Variants in SAR1B observed in about 807,000 individuals in gnomAD.
The protein encoded by SAR1B is secretion associated Ras related GTPase 1B.
In SAR1B, 23 loss-of-function variants were observed where a neutral mutation model predicts 26.8. The observed-to-expected ratio is 0.86, with a 90% CI of 0.62 to 1.22. SAR1B has a LOEUF of 1.22. Ranked by LOEUF, SAR1B falls within the 50% of genes most tolerant of loss-of-function variation. The pLI is 0.00. For missense variants in SAR1B, 196 were observed against 232.8 expected (o/e 0.84, Z 1.03); for synonymous variants, 65 against 80.8 (o/e 0.80, Z 1.05).
At chr5:134,616,669 C>A (rs1398308649) in intron 3 of SAR1B, among the ~76,000 whole-genome samples, 1 of 152,156 alleles carries the variant, frequency 6.6e-6, no homozygotes, top group Non-Finnish European at 1.5e-5. Context: ...TCTCCTCTAG[C>A]CCCTTCCCAG....
chr5:134,631,605 A>G (rs1403079421), intron 1 of SAR1B: 1 of 152,258 alleles, frequency 6.6e-6, no homozygotes, highest in Non-Finnish European at 1.5e-5. Context: ...ACACAAATAA[A>G]TAATACTATG....
chr5:134,616,366 G>A (rs1406171822), intron 3 of SAR1B, among the ~76,000 whole-genome samples: 2 of 151,100 alleles, frequency 1.3e-5, no homozygotes, highest in East Asian at 3.9e-4. Context: ...GAACCCGGGA[G>A]GTGGAGGTTG....
intron 1 of SAR1B, among the ~76,000 whole-genome samples, chr5:134,629,589 C>T (rs1278722769): frequency 6.6e-6 from 1 of 151,936 alleles, no homozygotes; most frequent in East Asian, 1.9e-4. Context: ...CCCAGCTACT[C>T]AGGAGGCTGA....
intron 1 of SAR1B, among the ~76,000 whole-genome samples, chr5:134,628,487 G>C (rs746518829): frequency 3.9e-5 from 6 of 152,096 alleles, no homozygotes; most frequent in Non-Finnish European, 5.9e-5. Context: ...GCATGGTAAT[G>C]CTATGGTGAA....
intron 1 of SAR1B, among the ~76,000 whole-genome samples, chr5:134,629,810 C>T (rs1299679899): frequency 6.1e-5 from 9 of 147,788 alleles, no homozygotes; most frequent in African/African-American, 2.0e-4. Flanking sequence ...TGCTTGAACC[C>T]GGGAGACGGA....
At position 134,606,888 on chromosome 5, in the gene SAR1B, T is replaced by C. The variant is rs1765136377; in HGVS notation, c.*62A>G. ...GTCTATTGAATTCAAGTTATGCATGTTGAGCAATCAAATCTCTGAGTAAGC... is the reference window on the plus strand; with the variant it reads ...GTCTATTGAATTCAAGTTATGCATGCTGAGCAATCAAATCTCTGAGTAAGC... On this transcript the variant is annotated 3_prime_UTR_variant, in exon 7 of 7. Coordinates refer to ENST00000402673, the MANE Select transcript of SAR1B (RefSeq NM_016103.4). The C allele has an allele frequency of 9.7e-6, 10 of 1,028,614 alleles. No homozygotes were observed. In the South Asian group the frequency reaches 1.1e-4, roughly 12 times the overall value. 63.7% of individuals were successfully genotyped at this position (1,028,614 alleles called of 1,614,324 possible). A position where few individuals can be genotyped will look rare whatever the true frequency, so the allele number is the denominator to read the frequency against.
Position 134,621,056 on chromosome 5 carries a change from C to G in SAR1B, c.59-4G>C. 1 of 1,613,008 alleles carries G rather than the reference C, an allele frequency of 6.2e-7. No homozygotes were observed. The highest frequency in any genetic ancestry group is 2.2e-5 in the East Asian group (1 of 44,864). Reference sequence around the variant, plus strand: ...TTACCAGTTTTCTTATATAATCCTGCAAAGCAAGAGCTATGATTGGTCAAA... The same window carrying G: ...TTACCAGTTTTCTTATATAATCCTGGAAAGCAAGAGCTATGATTGGTCAAA... On this transcript the variant is annotated splice_region_variant and splice_polypyrimidine_tract_variant and intron_variant, in intron 2 of 6. Coordinates refer to ENST00000402673, the MANE Select transcript of SAR1B (RefSeq NM_016103.4).
chr5:134,630,889 C>CTTTTTTTTTTT (rs781218368), intron 1 of SAR1B, among the ~76,000 whole-genome samples: 112 of 69,150 alleles, frequency 1.6e-3, no homozygotes, highest in African/African-American at 2.4e-3. Flanking sequence ...CTTTTTTTTT[C>CTTTTTTTTTTT]TTTTTTTTTT....
rs547331003 is a variant in SAR1B, at chr5:134,630,928, T to G, written c.-19+1800A>C. ...TTTTTTTTTTTTTTTAGCAACAATG[T>G]CTTTTTCTTTCACCCAGGCTGGAGT... On this transcript the variant is annotated intron_variant, in intron 1 of 6. Coordinates refer to ENST00000402673, the MANE Select transcript of SAR1B (RefSeq NM_016103.4). Among the ~76,000 whole-genome samples the G allele has an allele frequency of 2.1e-3, 290 of 140,772 alleles. 2 individuals are homozygous for G. The highest frequency in any genetic ancestry group is 7.3e-3 in the African/African-American group (281 of 38,302). 92.4% of individuals were successfully genotyped at this position (140,772 alleles called of 152,430 possible). A position where few individuals can be genotyped will look rare whatever the true frequency, so the allele number is the denominator to read the frequency against.
intron 6 of SAR1B, among the ~76,000 whole-genome samples, chr5:134,607,644 C>T (rs1313659821): frequency 6.6e-6 from 1 of 151,888 alleles, no homozygotes; most frequent in Admixed American, 6.6e-5. Flanking sequence ...TGCTGGCACA[C>T]GCCTGTAATC....
At chr5:134,630,879 C>CTTTTTTTTTCTTTTTTTTTTTTTT (rs1765590085) in intron 1 of SAR1B, among the ~76,000 whole-genome samples, 1 of 81,308 alleles carries the variant, frequency 1.2e-5, no homozygotes, top group Non-Finnish European at 2.6e-5. Context: ...TTTTCTATTT[C>CTTTTTTTTTCTTTTTTTTTTTTTT]TTTTTTTTTC....
rs1337113422 is a variant in SAR1B, at chr5:134,618,942, G to A, written c.178+1991C>T. ...GAGCCCAGGAGGCAGAGGTTGCAGG[G>A]AGCCGAGATGGTGCCACTGCACTTC... On this transcript the variant is annotated intron_variant, in intron 3 of 6. Coordinates refer to ENST00000402673, the MANE Select transcript of SAR1B (RefSeq NM_016103.4). 2.0e-5 allele frequency among the ~76,000 whole-genome samples: 3 copies of A among 151,728 alleles called. No homozygotes were observed. The East Asian group carries it at 5.8e-4, about 29-fold the overall frequency.
intron 1 of SAR1B, among the ~76,000 whole-genome samples, chr5:134,627,667 T>A (rs1008904765): frequency 2.3e-4 from 35 of 151,326 alleles, no homozygotes; most frequent in African/African-American, 8.0e-4. Context: ...GGCGTGGTAG[T>A]GGACGCCTGT....
intron 4 of SAR1B, among the ~76,000 whole-genome samples, chr5:134,612,021 C>T (rs1016429222): frequency 2.0e-5 from 3 of 152,036 alleles, no homozygotes; most frequent in African/African-American, 7.2e-5. Flanking sequence ...TTTTTAAAAG[C>T]CCAGAAAAGT....
chr5:134,631,086 G>C (rs1457663879), intron 1 of SAR1B, among the ~76,000 whole-genome samples: 2 of 149,878 alleles, frequency 1.3e-5, no homozygotes, highest in Non-Finnish European at 3.0e-5. Flanking sequence ...TTTTTTTAAT[G>C]TAGAGACTGG....
chr5:134,607,201 C>G, intron 6 of SAR1B, 135 bp from the exon 7 acceptor site: 2 of 729,866 alleles, frequency 2.7e-6, no homozygotes, highest in Non-Finnish European at 4.9e-6. Flanking sequence ...GTCGTGGCTG[C>G]TTGGCATCCA....
At chr5:134,628,537 T>C (rs1166527563) in intron 1 of SAR1B, among the ~76,000 whole-genome samples, 1 of 152,070 alleles carries the variant, frequency 6.6e-6, no homozygotes, top group Non-Finnish European at 1.5e-5. Context: ...ATATCCAGGC[T>C]GAGCACAGTG....
intron 2 of SAR1B, among the ~76,000 whole-genome samples, chr5:134,621,830 G>A (rs1371096056): frequency 6.6e-6 from 1 of 152,136 alleles, no homozygotes; most frequent in Non-Finnish European, 1.5e-5. Flanking sequence ...TCAACTTCCT[G>A]GGCTCAAGTG....
chr5:134,622,410 C>CTTTTTT (rs70976542), intron 2 of SAR1B, among the ~76,000 whole-genome samples: 5 of 135,608 alleles, frequency 3.7e-5, no homozygotes, highest in African/African-American at 1.1e-4. Context: ...AGCCCATATT[C>CTTTTTT]TTTTTTTTTT....
Sources: gnomAD v4.1 joint callset for allele counts (sites outside exome capture counted in the v4.1 genomes callset) on GRCh38, gnomAD v4.1.1 for gene constraint, MANE v1.5 for transcripts, NCBI Gene and HGNC (gene_info 2026-07-23, HGNC 2026-07-21) for gene names.